NRXN3: variants seen among roughly 807,000 people sequenced by gnomAD.
The protein encoded by NRXN3 is neurexin III.
In NRXN3, 32 loss-of-function variants were observed where a neutral mutation model predicts 137.6. The observed-to-expected ratio is 0.23, with a 90% CI of 0.18 to 0.31. The LOEUF (loss-of-function observed/expected upper bound fraction) is 0.31. NRXN3 is among the 10% of genes least tolerant of loss of function. NRXN3 has a pLI of 1.00. For synonymous variants in NRXN3, 798 were observed against 784.5 expected, an observed-to-expected ratio of 1.02 and a Z score of -0.29; for missense variants, 1,574 against 2,062.5, an observed-to-expected ratio of 0.76 and a Z score of 4.59.
In NRXN3 at chr14:79,862,272, T is replaced by G; in HGVS notation, c.*308T>G. 4.2e-6 allele frequency: 1 copy of G among 235,882 alleles called. No individual in the cohort carries two copies. The highest frequency in any genetic ancestry group is 8.3e-6 in the Non-Finnish European group (1 of 119,834). The allele number at this position is 235,882 out of a possible 1,614,324, so 14.6% of individuals were successfully genotyped here. On this transcript the variant is annotated 3_prime_UTR_variant, in exon 21 of 21. Coordinates refer to ENST00000335750, the MANE Select transcript of NRXN3 (RefSeq NM_001330195.2). ...GGAGCCGGACGGTGGCTCCACCACT[T>G]CCGCAGGCCTGGAAACTTCCTTCTC...
chr14:78,906,382 C>A (rs1002430952), intron 10 of NRXN3, among the ~76,000 whole-genome samples: 2 of 152,052 alleles, frequency 1.3e-5, no homozygotes, highest in East Asian at 3.9e-4. Flanking sequence ...ATTTCTTCTA[C>A]CCAGACTGCC....
At chr14:78,281,330 A>T (rs938374367) in intron 3 of NRXN3, among the ~76,000 whole-genome samples, 6 of 152,208 alleles carry the variant, frequency 3.9e-5, no homozygotes, top group African/African-American at 1.4e-4. Flanking sequence ...TCAGGAAGTC[A>T]AGTTGGGGAT....
intron 8 of NRXN3, among the ~76,000 whole-genome samples, chr14:78,766,099 T>C (rs1213846674): frequency 6.6e-6 from 1 of 152,132 alleles, no homozygotes. Context: ...TCGGTCTAGG[T>C]TTTTAGAAGT....
intron 10 of NRXN3, among the ~76,000 whole-genome samples, chr14:78,893,427 C>T (rs1033411986): frequency 3.9e-5 from 6 of 151,978 alleles, no homozygotes; most frequent in East Asian, 1.9e-4. Flanking sequence ...GAGTCCATGC[C>T]GAATCTCCTG....
chr14:78,493,515 C>G (rs1273396789), intron 4 of NRXN3, among the ~76,000 whole-genome samples: 1 of 144,364 alleles, frequency 6.9e-6, no homozygotes, highest in African/African-American at 2.6e-5. Context: ...AATCGTGAAA[C>G]TCCATCTCAA....
chr14:78,428,747 G>T (rs1363947958), intron 4 of NRXN3, among the ~76,000 whole-genome samples: 1 of 152,120 alleles, frequency 6.6e-6, no homozygotes, highest in African/African-American at 2.4e-5. Flanking sequence ...CAGTTCAAAG[G>T]CCATTAGACA....
chr14:78,318,592 T>C (rs748837244), intron 4 of NRXN3, among the ~76,000 whole-genome samples: 1 of 152,154 alleles, frequency 6.6e-6, no homozygotes, highest in African/African-American at 2.4e-5. Flanking sequence ...CAACCACACA[T>C]TTCATCTAGG....
At chr14:79,802,001 G>A (rs766243625) in intron 19 of NRXN3, among the ~76,000 whole-genome samples, 19 of 150,314 alleles carry the variant, frequency 1.3e-4, no homozygotes, top group Non-Finnish European at 2.7e-4. Flanking sequence ...GAAGCTGAGA[G>A]GAAGACAGTA....
intron 4 of NRXN3, among the ~76,000 whole-genome samples, chr14:78,492,156 C>T (rs1317533624): frequency 6.6e-6 from 1 of 152,154 alleles, no homozygotes; most frequent in Non-Finnish European, 1.5e-5. Flanking sequence ...GGGTCTATCA[C>T]ATGATAAACG....
At chr14:78,928,084 T>C (rs1450364367) in intron 10 of NRXN3, among the ~76,000 whole-genome samples, 1 of 152,174 alleles carries the variant, frequency 6.6e-6, no homozygotes, top group Non-Finnish European at 1.5e-5. Flanking sequence ...CAAATCCCAG[T>C]TGTCCACAGC....
intron 15 of NRXN3, among the ~76,000 whole-genome samples, chr14:79,113,009 G>C (rs2053812022): frequency 6.6e-6 from 1 of 152,156 alleles, no homozygotes; most frequent in Non-Finnish European, 1.5e-5. Context: ...GTTCACAGTA[G>C]ACCGACCTTT....
chr14:79,457,323 C>T (rs999352291), intron 15 of NRXN3, among the ~76,000 whole-genome samples: 3 of 152,138 alleles, frequency 2.0e-5, no homozygotes, highest in Admixed American at 6.5e-5. Context: ...TTCTTCACTT[C>T]AAGGTGCTCA....
intron 10 of NRXN3, among the ~76,000 whole-genome samples, chr14:78,846,107 C>T: frequency 6.6e-6 from 1 of 152,040 alleles, no homozygotes; most frequent in East Asian, 1.9e-4. Flanking sequence ...CATAAACATC[C>T]TATCTGCTCA....
rs1432463174 is a variant in NRXN3, at chr14:79,473,965, C to T, written c.3444+6563C>T. The stretch of plus-strand genomic sequence containing the variant: ...TGTAACCTGGACTAGAGGCAGCTCT[C>T]TGCAGGGGAGCTGGTGTGTGTTTTC... On this transcript the variant is annotated intron_variant, in intron 16 of 20. Transcript: ENST00000335750. Among the ~76,000 whole-genome samples, 4 of 152,184 alleles carry T rather than the reference C, an allele frequency of 2.6e-5. No homozygotes were observed. In the East Asian group the frequency reaches 5.8e-4, roughly 22 times the overall value.
At chr14:78,368,849 G>A (rs2153614325) in intron 4 of NRXN3, among the ~76,000 whole-genome samples, 1 of 152,302 alleles carries the variant, frequency 6.6e-6, no homozygotes, top group Non-Finnish European at 1.5e-5. Context: ...CTTACAATAT[G>A]GTCATGAGAG....
chr14:78,224,750 CTTTTTTTTTTTT>C (rs35800837), intron 1 of NRXN3, among the ~76,000 whole-genome samples: 9 of 64,842 alleles, frequency 1.4e-4, no homozygotes, highest in East Asian at 1.3e-3. Flanking sequence ...GTGCATGTGT[CTTTTTTTTTTTT>C]TTTTTTTTTT....
Position 78,851,902 on chromosome 14 carries a change from GA to G in NRXN3, c.2275+41567del, listed in dbSNP as rs149465950. ...CATGTGGCAAGAATTGTGGTTATCA[GA>G]AAAAAAAATAGGAGTTTTTAGGTTA... On this transcript the variant is annotated intron_variant, in intron 10 of 20. Coordinates refer to ENST00000335750, the MANE Select transcript of NRXN3 (RefSeq NM_001330195.2). Among the ~76,000 whole-genome samples, 158 of 149,476 alleles carry G rather than the reference GA, an allele frequency of 1.1e-3. No homozygotes were observed. The South Asian group carries it at 0.011, about 11-fold the overall frequency.
At chr14:79,370,687 G>A (rs12895906) in intron 15 of NRXN3, among the ~76,000 whole-genome samples, 75,688 of 151,844 alleles carry the variant, frequency 0.5, 19,157 homozygotes, top group Admixed American at 0.54. Context: ...TGCTTTTACC[G>A]CCTCAACTGA....
At chr14:78,738,655 C>G (rs1325631985) in intron 8 of NRXN3, among the ~76,000 whole-genome samples, 1 of 152,188 alleles carries the variant, frequency 6.6e-6, no homozygotes, top group African/African-American at 2.4e-5. Flanking sequence ...TGAAAAGACA[C>G]AGGGCAAAAA....
Sources: gnomAD v4.1 joint callset for allele counts (sites outside exome capture counted in the v4.1 genomes callset) on GRCh38, gnomAD v4.1.1 for gene constraint, MANE v1.5 for transcripts, NCBI Gene and HGNC (gene_info 2026-07-23, HGNC 2026-07-21) for gene names.